SGCZ: variants seen among roughly 807,000 people sequenced by gnomAD.
The protein encoded by SGCZ is sarcoglycan zeta.
SGCZ carries 40 observed loss-of-function variants against 41.3 expected under a neutral mutation model. That is an observed-to-expected ratio of 0.97 (90% CI 0.75 to 1.26). The LOEUF is 1.26. Among genes scored for constraint, SGCZ ranks in the 50% most tolerant of loss-of-function variants. The pLI is 0.00. For missense variants in SGCZ, 552 were observed against 369.8 expected, an observed-to-expected ratio of 1.49 and a Z score of -4.04; for synonymous variants, 206 against 137.5, an observed-to-expected ratio of 1.50 and a Z score of -3.49.
intron 1 of SGCZ, among the ~76,000 whole-genome samples, chr8:14,777,746 G>T (rs1800454821): frequency 6.6e-6 from 1 of 152,186 alleles, no homozygotes; most frequent in Admixed American, 6.5e-5. Context: ...GTGTGTGTAT[G>T]TGTGAGAGAG....
At chr8:14,176,679 C>T (rs920614941) in intron 4 of SGCZ, among the ~76,000 whole-genome samples, 8 of 152,266 alleles carry the variant, frequency 5.3e-5, no homozygotes, top group African/African-American at 1.9e-4. Context: ...ATGTCCATTG[C>T]TTGGATCAGG....
chr8:14,531,596 C>T (rs967380417), intron 2 of SGCZ, among the ~76,000 whole-genome samples: 16 of 152,088 alleles, frequency 1.1e-4, no homozygotes, highest in African/African-American at 3.9e-4. Context: ...CTAAAATAAC[C>T]CTGAGAATTT....
intron 1 of SGCZ, among the ~76,000 whole-genome samples, chr8:14,993,834 T>C (rs531723902): frequency 2.5e-4 from 38 of 152,324 alleles, no homozygotes; most frequent in African/African-American, 9.1e-4. Flanking sequence ...GTTGGGATTT[T>C]TGCTTTTTCT....
In SGCZ at chr8:14,357,025, ATAAT is replaced by A. The variant is rs1445806843; in HGVS notation, c.235-32825_235-32822del. On this transcript the variant is annotated intron_variant, in intron 2 of 7. Transcript: ENST00000382080. ...AACAAAGTGATAAATGAGAAGCAAT[ATAAT>A]TATTTATAATTGAACTAAAATATTT... 2.6e-5 allele frequency among the ~76,000 whole-genome samples: 4 copies of A among 152,150 alleles called. No individual in the cohort carries two copies. In the East Asian group the frequency reaches 7.7e-4, roughly 29 times the overall value.
chr8:14,199,762 G>C (rs546682237), intron 4 of SGCZ, among the ~76,000 whole-genome samples: 1 of 152,142 alleles, frequency 6.6e-6, no homozygotes, highest in Non-Finnish European at 1.5e-5. Context: ...TTCTAACAAT[G>C]TTAAGTGAAT....
At chr8:14,409,571 T>G (rs540099936) in intron 2 of SGCZ, among the ~76,000 whole-genome samples, 11 of 152,156 alleles carry the variant, frequency 7.2e-5, no homozygotes, top group Non-Finnish European at 8.8e-5. Flanking sequence ...TGTCTTTTAC[T>G]CTGTACAAAG....
intron 1 of SGCZ, among the ~76,000 whole-genome samples, chr8:15,024,337 G>A (rs943283263): frequency 2.6e-5 from 4 of 152,108 alleles, no homozygotes; most frequent in African/African-American, 9.7e-5. Context: ...TTTGTTTATA[G>A]AAGCATAAAT....
At chr8:14,417,708 G>T (rs1233128026) in intron 2 of SGCZ, among the ~76,000 whole-genome samples, 1 of 151,848 alleles carries the variant, frequency 6.6e-6, no homozygotes, top group East Asian at 1.9e-4. Context: ...TAAGGGAGTA[G>T]ATAGCAAGTT....
chr8:14,615,275 A>C (rs992721067), intron 1 of SGCZ, among the ~76,000 whole-genome samples: 3 of 152,178 alleles, frequency 2.0e-5, no homozygotes, highest in Non-Finnish European at 4.4e-5. Context: ...AATATAGCAA[A>C]CAGCCAGATT....
chr8:14,525,686 G>T (rs1342084906), intron 2 of SGCZ, among the ~76,000 whole-genome samples: 2 of 152,060 alleles, frequency 1.3e-5, no homozygotes, highest in African/African-American at 4.8e-5. Flanking sequence ...AACCAAATTA[G>T]TGGGCCTTTG....
At chr8:14,566,411 C>T (rs1249706062) in intron 1 of SGCZ, among the ~76,000 whole-genome samples, 1 of 144,680 alleles carries the variant, frequency 6.9e-6, no homozygotes, top group African/African-American at 2.5e-5. Flanking sequence ...TCCATCCCTG[C>T]TGGGTCGATT....
chr8:15,079,751 T>G (rs1204189917), intron 1 of SGCZ, among the ~76,000 whole-genome samples: 1 of 152,214 alleles, frequency 6.6e-6, no homozygotes, highest in Non-Finnish European at 1.5e-5. Context: ...CTTTTAAGAT[T>G]CAGGGAGTCC....
At chr8:14,184,133 TA>T (rs1290000735) in intron 4 of SGCZ, among the ~76,000 whole-genome samples, 1 of 152,154 alleles carries the variant, frequency 6.6e-6, no homozygotes, top group African/African-American at 2.4e-5. Flanking sequence ...CAAAGAATCT[TA>T]AAAAATCATT....
chr8:15,056,556 AC>A lies in SGCZ; in HGVS notation c.39+181028del, dbSNP rs565213089. 1.4e-3 allele frequency among the ~76,000 whole-genome samples: 206 copies of A among 151,496 alleles called. No homozygotes were observed. In the South Asian group the frequency reaches 0.014, roughly 10 times the overall value. On this transcript the variant is annotated intron_variant, in intron 1 of 7. Transcript: ENST00000382080. Reference sequence around the variant, plus strand: ...AATGTAGGTGAGCAAAAAAAAAAAAACATTAGAAATGATAGTGTCTAAATGT... The same window carrying A: ...AATGTAGGTGAGCAAAAAAAAAAAAAATTAGAAATGATAGTGTCTAAATGT...
chr8:14,386,899 C>G (rs1804597442), intron 2 of SGCZ, among the ~76,000 whole-genome samples: 1 of 152,030 alleles, frequency 6.6e-6, no homozygotes, highest in Non-Finnish European at 1.5e-5. Flanking sequence ...TTTGATGAAT[C>G]TTGTATTTTG....
chr8:14,794,245 G>A (rs933196048), intron 1 of SGCZ, among the ~76,000 whole-genome samples: 12 of 151,940 alleles, frequency 7.9e-5, no homozygotes, highest in African/African-American at 2.7e-4. Flanking sequence ...TATGCACAAA[G>A]CTAACCAAAG....
chr8:14,947,894 AT>A (rs1337863323), intron 1 of SGCZ, among the ~76,000 whole-genome samples: 1 of 152,136 alleles, frequency 6.6e-6, no homozygotes, highest in Non-Finnish European at 1.5e-5. Context: ...CATCAGATTG[AT>A]TTTTGAAATC....
intron 1 of SGCZ, among the ~76,000 whole-genome samples, chr8:14,829,842 C>T (rs1024527729): frequency 4.6e-5 from 7 of 152,078 alleles, no homozygotes; most frequent in African/African-American, 1.4e-4. Context: ...GACGGATTCT[C>T]GCTCTGTCGC....
chr8:14,444,941 C>G (rs1800389935), intron 2 of SGCZ, among the ~76,000 whole-genome samples: 2 of 152,084 alleles, frequency 1.3e-5, no homozygotes, highest in African/African-American at 4.8e-5. Context: ...AAAAAATTTC[C>G]TTCTGGCCTC....
Sources: gnomAD v4.1 joint callset for allele counts (sites outside exome capture counted in the v4.1 genomes callset) on GRCh38, gnomAD v4.1.1 for gene constraint, MANE v1.5 for transcripts, NCBI Gene and HGNC (gene_info 2026-07-23, HGNC 2026-07-21) for gene names.